STXBP5L: variants seen among roughly 807,000 people sequenced by gnomAD.
STXBP5L encodes syntaxin binding protein 5L, also known as syntaxin-binding protein 5-like.
A neutral mutation model predicts 144.5 loss-of-function variants in STXBP5L; 65 were observed. The ratio of observed to expected loss-of-function variants is 0.45; its 90% CI spans 0.37 to 0.55. The LOEUF (loss-of-function observed/expected upper bound fraction) is 0.55, where lower values mean the gene tolerates loss of function less well. STXBP5L is among the 20% of genes least tolerant of loss of function. STXBP5L has a pLI of 0.00. For synonymous variants in STXBP5L, 505 were observed against 469.6 expected (o/e 1.08, Z -0.97); for missense variants, 1,298 against 1,405.5 (o/e 0.92, Z 1.22).
intron 9 of STXBP5L, among the ~76,000 whole-genome samples, chr3:121,188,007 C>T (rs1008197915): frequency 2.0e-5 from 3 of 152,028 alleles, no homozygotes; most frequent in Non-Finnish European, 4.4e-5. Context: ...ATATATGCAC[C>T]GAATGCAGGA....
intron 5 of STXBP5L, among the ~76,000 whole-genome samples, chr3:121,107,651 C>A (rs1017172073): frequency 2.0e-5 from 3 of 152,110 alleles, no homozygotes; most frequent in Admixed American, 1.3e-4. Context: ...ATCATGGTGC[C>A]TGCAGCTTTC....
chr3:121,031,192 AGGAATGGCATTAT>A (rs1330765352), intron 3 of STXBP5L, among the ~76,000 whole-genome samples: 1 of 152,154 alleles, frequency 6.6e-6, no homozygotes, highest in Non-Finnish European at 1.5e-5. Flanking sequence ...ACTTTTAAAC[AGGAATGGCATTAT>A]GAGATTTTCA....
intron 5 of STXBP5L, 33 bp from the exon 6 acceptor site, chr3:121,114,892 T>G (rs751365329): frequency 1.4e-6 from 2 of 1,401,114 alleles, no homozygotes; most frequent in Admixed American, 5.9e-5. Flanking sequence ...ATGTAAAATT[T>G]AGATATTTTA....
chr3:121,023,351 A>G (rs1182436298), intron 3 of STXBP5L, among the ~76,000 whole-genome samples: 4 of 152,176 alleles, frequency 2.6e-5, no homozygotes, highest in African/African-American at 4.8e-5. Flanking sequence ...TGCAATTATC[A>G]TCTAAATACC....
intron 9 of STXBP5L, among the ~76,000 whole-genome samples, chr3:121,189,355 G>A (rs899352778): frequency 2.6e-5 from 4 of 152,174 alleles, no homozygotes; most frequent in African/African-American, 7.2e-5. Context: ...ACTGTTTTAG[G>A]TCTAACATTT....
intron 5 of STXBP5L, among the ~76,000 whole-genome samples, chr3:121,111,972 T>C (rs1189778287): frequency 3.9e-5 from 6 of 152,068 alleles, no homozygotes; most frequent in East Asian, 3.9e-4. Context: ...TGAGGAGGAA[T>C]GGGTCAGGGT....
chr3:120,966,899 C>G (rs961105738), intron 3 of STXBP5L, among the ~76,000 whole-genome samples: 3 of 152,138 alleles, frequency 2.0e-5, no homozygotes, highest in Non-Finnish European at 4.4e-5. Flanking sequence ...TATACCCTGC[C>G]CAGAGAGTTG....
rs368427891 is a variant in STXBP5L, at chr3:120,979,319, G to A, written c.287+24282G>A. ...TCTCAGACTGCTGTGCTAGCAATCA[G>A]CAATACTCCGTGGGCATAGGACCCT... On this transcript the variant is annotated intron_variant, in intron 3 of 26. Transcript: ENST00000471454. 1.6e-4 allele frequency among the ~76,000 whole-genome samples: 24 copies of A among 152,310 alleles called. No homozygotes were observed. In the South Asian group the frequency reaches 1.7e-3, roughly 11 times the overall value.
At chr3:121,341,485 C>G (rs2044709948) in intron 20 of STXBP5L, among the ~76,000 whole-genome samples, 1 of 152,010 alleles carries the variant, frequency 6.6e-6, no homozygotes, top group African/African-American at 2.4e-5. Context: ...AAAAATGCAG[C>G]TACCATATGA....
At chr3:121,313,356 C>T (rs1265270808) in intron 19 of STXBP5L, among the ~76,000 whole-genome samples, 2 of 136,626 alleles carry the variant, frequency 1.5e-5, no homozygotes, top group African/African-American at 5.6e-5. Flanking sequence ...GACCCCCCAC[C>T]TCCCTCCCGG....
chr3:121,066,450 G>C (rs2041551936), intron 5 of STXBP5L, among the ~76,000 whole-genome samples: 2 of 151,006 alleles, frequency 1.3e-5, no homozygotes, highest in South Asian at 4.2e-4. Context: ...ACTTTCTCAT[G>C]CACCTATTGA....
intron 10 of STXBP5L, among the ~76,000 whole-genome samples, chr3:121,217,277 C>T (rs542769648): frequency 6.6e-6 from 1 of 152,104 alleles, no homozygotes; most frequent in Non-Finnish European, 1.5e-5. Flanking sequence ...AATGGCTTCC[C>T]AGTTTTGCAT....
chr3:121,157,847 A>G, intron 9 of STXBP5L: 1 of 535,156 alleles, frequency 1.9e-6, no homozygotes, highest in Non-Finnish European at 3.0e-6. Context: ...TGTAAGCTGT[A>G]GTTATGTACT....
intron 10 of STXBP5L, among the ~76,000 whole-genome samples, chr3:121,217,216 T>C (rs2048809162): frequency 6.6e-6 from 1 of 152,130 alleles, no homozygotes; most frequent in African/African-American, 2.4e-5. Context: ...GCATTCCAGG[T>C]GCCAGCGAGG....
chr3:121,136,582 T>C (rs2045266902), intron 7 of STXBP5L, among the ~76,000 whole-genome samples: 1 of 152,186 alleles, frequency 6.6e-6, no homozygotes, highest in Non-Finnish European at 1.5e-5. Flanking sequence ...AAATAACAGA[T>C]GCCAGCAAGG....
At position 121,172,951 on chromosome 3, in the gene STXBP5L, C is replaced by A. The variant is rs1416367891; in HGVS notation, c.877+15324C>A. Among the ~76,000 whole-genome samples the A allele has an allele frequency of 2.0e-5, 3 of 152,120 alleles. No homozygotes were observed. In the East Asian group the frequency reaches 5.8e-4, roughly 29 times the overall value. On this transcript the variant is annotated intron_variant, in intron 9 of 26. Coordinates refer to ENST00000471454, the MANE Select transcript of STXBP5L (RefSeq NM_001308330.2). ...AACCCAAATGTCCATCAGTGATAGA[C>A]TGGATAAAGAAACTGTGGCACATAC...
At chr3:120,930,221 G>A (rs1381466976) in intron 2 of STXBP5L, among the ~76,000 whole-genome samples, 2 of 147,648 alleles carry the variant, frequency 1.4e-5, no homozygotes, top group African/African-American at 5.0e-5. Flanking sequence ...TCCAGACTCT[G>A]GTACTTTGTC....
At chr3:121,415,731 C>T in intron 24 of STXBP5L, 126 bp from the exon 25 acceptor site, 2 of 536,662 alleles carry the variant, frequency 3.7e-6, no homozygotes, top group Non-Finnish European at 3.2e-6. Context: ...GCAAAAATCA[C>T]CATGAAAATA....
intron 9 of STXBP5L, among the ~76,000 whole-genome samples, chr3:121,199,944 CT>C (rs1231702896): frequency 6.6e-6 from 1 of 151,966 alleles, no homozygotes; most frequent in Non-Finnish European, 1.5e-5. Flanking sequence ...CTGAAATTTT[CT>C]TTTTTTCTTG....
Sources: allele counts gnomAD v4.1 joint callset (sites outside exome capture counted in the v4.1 genomes callset), GRCh38; gene constraint gnomAD v4.1.1; transcripts MANE v1.5; gene names NCBI Gene and HGNC (gene_info 2026-07-23, HGNC 2026-07-21).